The following MAGI1 variants were observed in gnomAD, a reference collection of about 807,000 sequenced individuals.
MAGI1 encodes the protein membrane associated guanylate kinase, WW and PDZ domain containing 1.
MAGI1 carries 58 observed loss-of-function variants against 139.9 expected under a neutral mutation model. The ratio of observed to expected loss-of-function variants is 0.41; its 90% CI spans 0.34 to 0.52. MAGI1 has a LOEUF of 0.52. MAGI1 is among the 20% of genes least tolerant of loss of function. MAGI1 has a pLI of 0.12. For synonymous variants in MAGI1, 812 were observed against 737.9 expected (o/e 1.10, Z -1.63); for missense variants, 1,874 against 1,901.6 (o/e 0.99, Z 0.27).
chr3:65,453,067 A>C (rs1211945621), intron 6 of MAGI1, 191 bp downstream of exon 6: 1 of 589,210 alleles, frequency 1.7e-6, no homozygotes, highest in African/African-American at 1.9e-5. Context: ...TTTATGTGTA[A>C]ACAAATTCTT....
At chr3:65,804,760 T>G (rs1043460186) in intron 1 of MAGI1, among the ~76,000 whole-genome samples, 139 of 152,136 alleles carry the variant, frequency 9.1e-4, no homozygotes, top group Non-Finnish European at 4.6e-4. Context: ...TGGAACAGAA[T>G]AGAGATCTCA....
intron 1 of MAGI1, among the ~76,000 whole-genome samples, chr3:65,942,451 G>C (rs985853708): frequency 6.6e-6 from 1 of 152,080 alleles, no homozygotes; most frequent in African/African-American, 2.4e-5. Flanking sequence ...GATTTTCTTG[G>C]TCTCCCAGCC....
intron 1 of MAGI1, among the ~76,000 whole-genome samples, chr3:65,811,662 T>C (rs776807534): frequency 6.6e-6 from 1 of 150,944 alleles, no homozygotes; most frequent in Non-Finnish European, 1.5e-5. Context: ...AAAGAGATAA[T>C]GTAGCAAAAA....
chr3:65,645,002 A>T (rs991799952), intron 1 of MAGI1, among the ~76,000 whole-genome samples: 16 of 148,714 alleles, frequency 1.1e-4, no homozygotes, highest in Admixed American at 5.4e-4. Context: ...ATCTCAAAAA[A>T]AAAAATAAAA....
rs1362196708 is a variant in MAGI1 at position 65,429,863 on chromosome 3, G to C, written c.1824C>G (p.Ala608=). 1.9e-6 allele frequency: 3 copies of C among 1,613,878 alleles called. No individual in the cohort carries two copies. The highest frequency in any genetic ancestry group is 1.6e-4 in the Middle Eastern group (1 of 6,084). Reference sequence around the variant, plus strand: ...CCACGTCCGCTGGGCTGCTTGGCCTGGCATCCTTCATGCCATTGACTTTGC... The same window carrying C: ...CCACGTCCGCTGGGCTGCTTGGCCTCGCATCCTTCATGCCATTGACTTTGC... ...KTGKVNGMKD[A]RPSSPADVAS... is the part of the protein sequence containing the mutation. Residue 608 remains alanine, a synonymous_variant, in exon 12 of 23, where the codon GCC becomes GCG. Transcript: ENST00000402939.
chr3:65,688,568 C>A (rs544616665), intron 1 of MAGI1: 4 of 340,466 alleles, frequency 1.2e-5, no homozygotes, highest in Admixed American at 1.0e-4. Flanking sequence ...ACAGACATTT[C>A]CGTGGGGTAG....
intron 12 of MAGI1, among the ~76,000 whole-genome samples, chr3:65,404,152 TA>T (rs1945140312): frequency 6.6e-6 from 1 of 152,252 alleles, no homozygotes; most frequent in Non-Finnish European, 1.5e-5. Flanking sequence ...GGGACTCATT[TA>T]AGGAGACTTT....
At chr3:65,916,664 G>T (rs1366647084) in intron 1 of MAGI1, among the ~76,000 whole-genome samples, 1 of 152,024 alleles carries the variant, frequency 6.6e-6, no homozygotes, top group East Asian at 1.9e-4. Flanking sequence ...AATGAGATTT[G>T]GGTGGGGACA....
chr3:65,598,521 G>C (rs928608419), intron 2 of MAGI1, among the ~76,000 whole-genome samples: 9 of 152,208 alleles, frequency 5.9e-5, no homozygotes, highest in African/African-American at 2.2e-4. Flanking sequence ...AATTCCAATA[G>C]ATAATAACTC....
chr3:65,608,055 C>A (rs1201889879), intron 2 of MAGI1, among the ~76,000 whole-genome samples: 1 of 152,184 alleles, frequency 6.6e-6, no homozygotes, highest in East Asian at 1.9e-4. Context: ...AAAGGTTAGA[C>A]AACCAGTGCA....
At chr3:65,642,680 G>C (rs958369038) in intron 1 of MAGI1, among the ~76,000 whole-genome samples, 1 of 152,134 alleles carries the variant, frequency 6.6e-6, no homozygotes, top group African/African-American at 2.4e-5. Context: ...AAGAAGGCTA[G>C]CTTAACATTT....
chr3:65,721,043 C>T (rs2032954720), intron 1 of MAGI1, among the ~76,000 whole-genome samples: 1 of 152,080 alleles, frequency 6.6e-6, no homozygotes, highest in Non-Finnish European at 1.5e-5. Flanking sequence ...CCTGAAATCC[C>T]TGGCCATTCT....
At chr3:65,694,343 T>G (rs1402648511) in intron 1 of MAGI1, among the ~76,000 whole-genome samples, 2 of 152,172 alleles carry the variant, frequency 1.3e-5, no homozygotes, top group African/African-American at 2.4e-5. Flanking sequence ...CATGGTTTAA[T>G]CTATAGGGCC....
At chr3:65,537,184 A>G (rs2078999681) in intron 2 of MAGI1, among the ~76,000 whole-genome samples, 1 of 151,980 alleles carries the variant, frequency 6.6e-6, no homozygotes, top group African/African-American at 2.4e-5. Flanking sequence ...TCCACTATAC[A>G]CTGTCCGTGA....
intron 1 of MAGI1, among the ~76,000 whole-genome samples, chr3:65,785,731 C>A (rs895663042): frequency 1.3e-5 from 2 of 152,064 alleles, no homozygotes; most frequent in Middle Eastern, 6.3e-3. Context: ...TGAGTGAAAT[C>A]AACATTTCTT....
chr3:65,715,512 T>G (rs2032125563), intron 1 of MAGI1, among the ~76,000 whole-genome samples: 1 of 152,226 alleles, frequency 6.6e-6, no homozygotes, highest in African/African-American at 2.4e-5. Flanking sequence ...TATTTCATCT[T>G]GACTGCAGAA....
At chr3:65,997,535 A>G (rs1322763737) in intron 1 of MAGI1, among the ~76,000 whole-genome samples, 1 of 152,138 alleles carries the variant, frequency 6.6e-6, no homozygotes, top group Non-Finnish European at 1.5e-5. Flanking sequence ...GGGTGCCTGT[A>G]GTCCCAGCTA....
At chr3:65,909,813 G>A (rs1191435155) in intron 1 of MAGI1, among the ~76,000 whole-genome samples, 1 of 152,128 alleles carries the variant, frequency 6.6e-6, no homozygotes, top group African/African-American at 2.4e-5. Context: ...CTACACCAGC[G>A]ATCACTAACC....
intron 2 of MAGI1, among the ~76,000 whole-genome samples, chr3:65,534,388 G>A (rs988415016): frequency 7.9e-5 from 12 of 152,286 alleles, no homozygotes; most frequent in African/African-American, 2.6e-4. Context: ...ATACTCAGGA[G>A]GCCGAGGTGG....
Sources: gnomAD v4.1 joint callset for allele counts (sites outside exome capture counted in the v4.1 genomes callset) on GRCh38, gnomAD v4.1.1 for gene constraint, MANE v1.5 for transcripts, NCBI Gene and HGNC (gene_info 2026-07-23, HGNC 2026-07-21) for gene names.